The following SOCS5 variants were observed in gnomAD, a reference collection of about 807,000 sequenced individuals.
SOCS5 encodes the protein suppressor of cytokine signaling 5, also known as CIS-6.
Under a neutral mutation model 42.8 loss-of-function variants are expected in SOCS5, and 32 were observed. The observed-to-expected ratio is 0.75, with a 90% confidence interval of 0.56 to 1.01. The LOEUF is 1.01. Ranked by LOEUF, SOCS5 falls within the 50% of genes least tolerant of loss-of-function variation. The pLI is 0.00. For missense variants in SOCS5, 627 were observed against 653.0 expected (o/e 0.96, Z 0.43); for synonymous variants, 283 against 229.6 (o/e 1.23, Z -2.10).
intron 1 of SOCS5, among the ~76,000 whole-genome samples, chr2:46,725,444 C>T (rs930661970): frequency 2.0e-5 from 3 of 151,846 alleles, no homozygotes; most frequent in Admixed American, 6.6e-5. Context: ...TTCCTCTTTT[C>T]CCCCTTCCTG....
At position 46,761,519 on chromosome 2, in the gene SOCS5, C is replaced by G. The variant is rs1673868992; in HGVS notation, c.*1378C>G. 2 of 167,070 alleles carry G rather than the reference C, an allele frequency of 1.2e-5. No individual in the cohort carries two copies. Among genetic ancestry groups the G allele is most frequent in the South Asian group, 2.1e-4 (1 of 4,838 alleles). The allele number at this position is 167,070 out of a possible 1,614,324, so 10.3% of individuals were successfully genotyped here. A position where few individuals can be genotyped will look rare whatever the true frequency, so the allele number is the denominator to read the frequency against. ...AGGAAAGCTATATTTGTATGCAACA[C>G]TAACCTTTTGACTGCTAATGTATGT... On this transcript the variant is annotated 3_prime_UTR_variant, in exon 2 of 2. Transcript: ENST00000394861.
At chr2:46,746,832 T>C (rs1673510051) in intron 1 of SOCS5, among the ~76,000 whole-genome samples, 1 of 152,104 alleles carries the variant, frequency 6.6e-6, no homozygotes, top group African/African-American at 2.4e-5. Context: ...TCTTTCTTTT[T>C]TAAGATTCCT....
At chr2:46,713,722 AGTTTT>A (rs1396163592) in intron 1 of SOCS5, among the ~76,000 whole-genome samples, 1 of 151,846 alleles carries the variant, frequency 6.6e-6, no homozygotes, top group Non-Finnish European at 1.5e-5. Flanking sequence ...TTTTTTCCCT[AGTTTT>A]AAGTGAAAGC....
intron 1 of SOCS5, among the ~76,000 whole-genome samples, chr2:46,715,332 A>G (rs1672713831): frequency 6.6e-6 from 1 of 151,360 alleles, no homozygotes; most frequent in Non-Finnish European, 1.5e-5. Flanking sequence ...AGATCATGCC[A>G]CTGTGCTTGA....
At chr2:46,733,568 CAA>C (rs1166835596) in intron 1 of SOCS5, among the ~76,000 whole-genome samples, 1 of 58,456 alleles carries the variant, frequency 1.7e-5, no homozygotes, top group Non-Finnish European at 3.4e-5. Context: ...GACCCTGTCT[CAA>C]AAAAAAAAAA....
intron 1 of SOCS5, among the ~76,000 whole-genome samples, chr2:46,702,798 C>G (rs777247642): frequency 1.3e-5 from 2 of 152,180 alleles, no homozygotes; most frequent in African/African-American, 4.8e-5. Context: ...ATGTTTTTGA[C>G]GGTGACAGTT....
At position 46,759,763 on chromosome 2, in the gene SOCS5, G is replaced by C. The variant is rs1186274628; in HGVS notation, c.1233G>C (p.Glu411Asp). The C allele has an allele frequency of 3.7e-6, 6 of 1,614,054 alleles. No homozygotes were observed. The highest frequency in any genetic ancestry group is 1.3e-5 in the African/African-American group (1 of 74,918). ...GTFLLRDSAQ[E>D]DYLFSVSFRR... ...TTTTGCTCAGGGACTCTGCGCAAGA[G>C]GACTACCTCTTCTCTGTGAGCTTCC... The change falls in exon 2 of 2, where the codon GAG (glutamate) becomes GAC (aspartate). Residue 411 changes from glutamate to aspartate, a missense_variant. Physicochemically the swap from Glu to Asp is conservative, Grantham distance 45. Around this residue, in one of 3 missense-constraint regions of SOCS5, gnomAD observed 340 missense variants for 367.6 expected, o/e 0.92. Coordinates refer to ENST00000394861, the MANE Select transcript of SOCS5 (RefSeq NM_144949.3).
intron 1 of SOCS5, among the ~76,000 whole-genome samples, chr2:46,725,254 A>T (rs192020059): frequency 3.7e-3 from 568 of 152,072 alleles, no homozygotes; most frequent in Middle Eastern, 6.8e-3. Context: ...TTATCTCATC[A>T]TATTTGAAAT....
chr2:46,746,867 C>T (rs1306656713), intron 1 of SOCS5, among the ~76,000 whole-genome samples: 3 of 147,662 alleles, frequency 2.0e-5, no homozygotes, highest in Non-Finnish European at 4.5e-5. Context: ...TAGACAATCA[C>T]ATCATCAGAA....
intron 1 of SOCS5, among the ~76,000 whole-genome samples, chr2:46,758,015 C>T (rs1673767231): frequency 6.6e-6 from 1 of 152,162 alleles, no homozygotes; most frequent in South Asian, 2.1e-4. Flanking sequence ...AAGTGATGAA[C>T]ACACTGTAAA....
At chr2:46,724,537 C>T (rs911623080) in intron 1 of SOCS5, among the ~76,000 whole-genome samples, 1 of 151,948 alleles carries the variant, frequency 6.6e-6, no homozygotes, top group Non-Finnish European at 1.5e-5. Context: ...TTCCTCTGAG[C>T]ATTGCTTAAC....
intron 1 of SOCS5, among the ~76,000 whole-genome samples, chr2:46,747,636 TC>T (rs1364518698): frequency 1.3e-5 from 2 of 152,188 alleles, no homozygotes; most frequent in African/African-American, 4.8e-5. Flanking sequence ...GTTCTTCTCT[TC>T]CTGTGGTCAT....
At chr2:46,744,792 T>C (rs190752287) in intron 1 of SOCS5, among the ~76,000 whole-genome samples, 4 of 151,886 alleles carry the variant, frequency 2.6e-5, no homozygotes, top group Non-Finnish European at 5.9e-5. Flanking sequence ...CCTCCCAAAG[T>C]GCAGGGCTCA....
intron 1 of SOCS5, among the ~76,000 whole-genome samples, chr2:46,708,159 A>G (rs530688477): frequency 1.2e-4 from 18 of 152,300 alleles, no homozygotes; most frequent in Middle Eastern, 3.4e-3. Context: ...CTCTAGTTCA[A>G]GAAAGAGACT....
At chr2:46,738,639 G>A (rs1572841743) in intron 1 of SOCS5, among the ~76,000 whole-genome samples, 1 of 152,322 alleles carries the variant, frequency 6.6e-6, no homozygotes, top group South Asian at 2.1e-4. Flanking sequence ...TACACATCCA[G>A]TTGTATTTGA....
chr2:46,701,611 C>G (rs892156394), intron 1 of SOCS5, among the ~76,000 whole-genome samples: 2 of 151,730 alleles, frequency 1.3e-5, no homozygotes, highest in African/African-American at 2.4e-5. Context: ...TTGTTCCCTT[C>G]TAAGGATGAA....
intron 1 of SOCS5, among the ~76,000 whole-genome samples, chr2:46,721,833 G>A (rs766448630): frequency 4.6e-5 from 7 of 152,194 alleles, no homozygotes; most frequent in Admixed American, 1.3e-4. Flanking sequence ...TTACAGAGGG[G>A]TGCAACTGTG....
chr2:46,751,566 A>C lies in SOCS5; in HGVS notation c.-12-6953A>C, dbSNP rs999124921. 4.9e-4 allele frequency among the ~76,000 whole-genome samples: 75 copies of C among 152,158 alleles called. 1 individual carries two copies. Among genetic ancestry groups the C allele is most frequent in the African/African-American group, 1.8e-3 (75 of 41,432 alleles). On this transcript the variant is annotated intron_variant, in intron 1 of 1. Transcript: ENST00000394861. The stretch of plus-strand genomic sequence containing the variant: ...GATTATCTCTAGGTGGTGGGACTTC[A>C]AGTGAGGGTTAGATTTTTTAAAATA...
At chr2:46,740,006 A>C (rs539032814) in intron 1 of SOCS5, among the ~76,000 whole-genome samples, 2 of 152,338 alleles carry the variant, frequency 1.3e-5, no homozygotes, top group African/African-American at 4.8e-5. Context: ...CTTTATCTGT[A>C]GAATACTTGT....
Sources: allele counts gnomAD v4.1 joint callset (sites outside exome capture counted in the v4.1 genomes callset), GRCh38; gene constraint gnomAD v4.1.1; regional missense constraint gnomAD v4.1.1; transcripts MANE v1.5; gene names NCBI Gene and HGNC (gene_info 2026-07-23, HGNC 2026-07-21).